HERC1: variants seen among roughly 807,000 people sequenced by gnomAD.
HERC1 encodes probable E3 ubiquitin-protein ligase HERC1.
In HERC1, 160 loss-of-function variants were observed where a neutral mutation model predicts 554.3. The ratio of observed to expected loss-of-function variants is 0.29; its 90% CI spans 0.25 to 0.33. HERC1 has a LOEUF of 0.33. HERC1 is among the 10% of genes least tolerant of loss of function. The pLI, the probability that HERC1 is intolerant of heterozygous loss-of-function variation, is 1.00. For missense variants in HERC1, 4,919 were observed against 5,918.5 expected (o/e 0.83, Z 5.54); for synonymous variants, 2,175 against 2,131.7 (o/e 1.02, Z -0.56).
Position 63,758,097 on chromosome 15 carries a change from C to A in HERC1, c.1221+78G>T. 1.0e-6 allele frequency: 1 copy of A among 988,532 alleles called. No homozygotes were observed. The highest frequency in any genetic ancestry group is 1.5e-6 in the Non-Finnish European group (1 of 670,756). 61.2% of individuals were successfully genotyped at this position (988,532 alleles called of 1,614,324 possible). ...ATAATTTTCACTCATTTAAAAAATACTCAGTATTATTTAATGCAAATAAGC... is the reference window on the plus strand; with the variant it reads ...ATAATTTTCACTCATTTAAAAAATAATCAGTATTATTTAATGCAAATAAGC... On this transcript the variant is annotated intron_variant, in intron 4 of 77. Coordinates refer to ENST00000443617, the MANE Select transcript of HERC1 (RefSeq NM_003922.4). The surrounding 1 kb of genome is among the most constrained non-coding windows in gnomAD (Gnocchi z 4.0).
At chr15:63,669,465 A>G (rs1297249403) in intron 40 of HERC1, 73 bp downstream of exon 40, 1 of 1,405,016 alleles carries the variant, frequency 7.1e-7, no homozygotes, top group East Asian at 2.3e-5. Flanking sequence ...ACAAAACACA[A>G]TGCCCACATA....
At chr15:63,636,891 A>G in intron 64 of HERC1, 2 of 247,932 alleles carry the variant, frequency 8.1e-6, no homozygotes, top group Middle Eastern at 1.6e-3. Context: ...ACACATTCTC[A>G]TCTTTACTGC....
chr15:63,643,909 C>A (rs955073545), intron 57 of HERC1, among the ~76,000 whole-genome samples: 1 of 152,130 alleles, frequency 6.6e-6, no homozygotes, highest in Non-Finnish European at 1.5e-5. Flanking sequence ...TCATTTTTAT[C>A]CCCTAACATT....
At position 63,674,463 on chromosome 15, in the gene HERC1, G is replaced by A; in HGVS notation, c.7725C>T (p.Val2575=). The A allele has an allele frequency of 1.2e-6, 2 of 1,613,938 alleles. No individual in the cohort carries two copies. Among genetic ancestry groups the A allele is most frequent in the South Asian group, 2.2e-5 (2 of 91,078 alleles). ...FLMRHMVKRA[V]MRSPIKRALG... is the part of the protein sequence containing the mutation. Reference sequence around the variant, plus strand: ...ATGCTCTCTTTATGGGTGACCGCATGACTGCTCGCTTCACCATGTGTCGCA... The same window carrying A: ...ATGCTCTCTTTATGGGTGACCGCATAACTGCTCGCTTCACCATGTGTCGCA... The change falls in exon 38 of 78, where the codon GTC becomes GTT. Residue 2575 remains valine, a synonymous_variant. Transcript: ENST00000443617.
At position 63,678,125 on chromosome 15, in the gene HERC1, G is replaced by A. The variant is rs534485955; in HGVS notation, c.6790C>T (p.Arg2264Ter). The A allele has an allele frequency of 1.9e-6, 3 of 1,613,778 alleles. No homozygotes were observed. Among genetic ancestry groups the A allele is most frequent in the East Asian group, 2.2e-5 (1 of 44,878 alleles). The change falls in exon 37 of 78, where the codon CGA becomes TGA. Residue 2264 changes from arginine (R) to a stop codon, truncating the protein, a stop_gained. Transcript: ENST00000443617. LOFTEE classifies it high-confidence loss of function. ...KLKKSRSVQS[R>*]EENEMREEKE... ...TCCTCTCTCATTTCATTTTCCTCTC[G>A]GCTCTGAACCGAGCGGCTTTTCTTT...
chr15:63,773,337 G>A (rs866722726), intron 2 of HERC1, among the ~76,000 whole-genome samples: 5 of 151,022 alleles, frequency 3.3e-5, no homozygotes, highest in East Asian at 2.0e-4. Flanking sequence ...CCAGCTACTC[G>A]GGAGGCTGAG....
intron 74 of HERC1, among the ~76,000 whole-genome samples, chr15:63,619,919 A>G (rs1303824859): frequency 6.6e-6 from 1 of 151,822 alleles, no homozygotes; most frequent in Non-Finnish European, 1.5e-5. Flanking sequence ...CAGTCTATCA[A>G]TTTTGTTGAT....
chr15:63,742,341 TCTG>T (rs751666988), intron 12 of HERC1, among the ~76,000 whole-genome samples: 31 of 152,344 alleles, frequency 2.0e-4, no homozygotes, highest in Non-Finnish European at 3.1e-4. Context: ...ACCCTGAAGC[TCTG>T]CTGAACTCGT....
intron 59 of HERC1, 49 bp downstream of exon 59, chr15:63,642,908 A>C: frequency 8.9e-7 from 1 of 1,119,614 alleles, no homozygotes; most frequent in Non-Finnish European, 1.3e-6. Context: ...TGATTTCTAA[A>C]GTTCCTTACA....
intron 1 of HERC1, among the ~76,000 whole-genome samples, chr15:63,817,179 G>A (rs2077520490): frequency 1.3e-5 from 2 of 152,136 alleles, no homozygotes; most frequent in South Asian, 4.1e-4. Context: ...CCAAACTACT[G>A]TAAAGTATGA....
In HERC1 at chr15:63,616,669, G is replaced by A; in HGVS notation, c.13702C>T (p.Pro4568Ser). 1 of 1,612,950 alleles carries A rather than the reference G, an allele frequency of 6.2e-7. No homozygotes were observed. Among genetic ancestry groups the A allele is most frequent in the Non-Finnish European group, 8.5e-7 (1 of 1,179,502 alleles). ...GYNRDRFLFN[P>S]SACLDEHLMQ... ...AAGTGTTCATCGAGGCAGGCAGAAG[G>A]GTTAAAAAGGAACCTGTAAAATTAA... Residue 4568 changes from proline (P) to serine (S), a missense_variant, in exon 75 of 78, where the codon CCT becomes TCT. Physicochemically the swap from Pro to Ser is moderately conservative, Grantham distance 74. Transcript: ENST00000443617.
At position 63,758,893 on chromosome 15, in the gene HERC1, C is replaced by A. The variant is rs2075517025; in HGVS notation, c.1027-524G>T. Among the ~76,000 whole-genome samples the A allele has an allele frequency of 6.6e-6, 1 of 151,932 alleles. No individual in the cohort carries two copies. The highest frequency in any genetic ancestry group is 2.4e-5 in the African/African-American group (1 of 41,364). On this transcript the variant is annotated intron_variant, in intron 3 of 77. Coordinates refer to ENST00000443617, the MANE Select transcript of HERC1 (RefSeq NM_003922.4). This position sits in a 1 kb window ranked among gnomAD's most constrained non-coding sequence, Gnocchi z 4.0. ...CACAATGTACTCAACCACTTCCCCA[C>A]CCCCAACTTTTTTTTTAAATAGATG...
intron 10 of HERC1, among the ~76,000 whole-genome samples, chr15:63,748,421 A>T (rs973793242): frequency 1.3e-5 from 2 of 152,298 alleles, no homozygotes; most frequent in Admixed American, 6.5e-5. Context: ...ACCTGAAAGC[A>T]GAGGGCTGAG....
At chr15:63,730,235 G>A (rs1163552850) in intron 14 of HERC1, among the ~76,000 whole-genome samples, 1 of 150,664 alleles carries the variant, frequency 6.6e-6, no homozygotes, top group African/African-American at 2.4e-5. Flanking sequence ...TGGAAAGACT[G>A]CCTGAGGTCA....
At chr15:63,810,566 T>C (rs1383321657) in intron 1 of HERC1, among the ~76,000 whole-genome samples, 1 of 152,160 alleles carries the variant, frequency 6.6e-6, no homozygotes, top group African/African-American at 2.4e-5. Flanking sequence ...AAGGGAGATA[T>C]ATCTTTTGCT....
intron 66 of HERC1, among the ~76,000 whole-genome samples, chr15:63,634,415 A>G (rs2068692463): frequency 6.6e-6 from 1 of 152,270 alleles, no homozygotes; most frequent in African/African-American, 2.4e-5. Flanking sequence ...CAAGGATACC[A>G]GACAGGAGCT....
At chr15:63,808,306 G>T (rs897373635) in intron 1 of HERC1, among the ~76,000 whole-genome samples, 9 of 152,102 alleles carry the variant, frequency 5.9e-5, no homozygotes, top group African/African-American at 1.9e-4. Context: ...TTTCCTCAAA[G>T]AAACAGGGTC....
chr15:63,649,565 T>C (rs1468567183), intron 54 of HERC1, among the ~76,000 whole-genome samples, 160 bp downstream of exon 54: 5 of 152,192 alleles, frequency 3.3e-5, no homozygotes, highest in African/African-American at 4.8e-5. Flanking sequence ...ATAAATATCT[T>C]TCAATTCAGT....
At chr15:63,714,545 G>GTTTTTT (rs773905620) in intron 22 of HERC1, among the ~76,000 whole-genome samples, 3 of 95,830 alleles carry the variant, frequency 3.1e-5, no homozygotes, top group Non-Finnish European at 4.1e-5. Flanking sequence ...TCCTTTTTCT[G>GTTTTTT]TTTTTTTTTT....
Sources: gnomAD v4.1 joint callset for allele counts (sites outside exome capture counted in the v4.1 genomes callset) on GRCh38, gnomAD v4.1.1 for gene constraint, Gnocchi (gnomAD v3.1) non-coding constraint, MANE v1.5 for transcripts, NCBI Gene and HGNC (gene_info 2026-07-23, HGNC 2026-07-21) for gene names.